XPR1: variants seen among roughly 807,000 people sequenced by gnomAD.
XPR1 encodes the protein xenotropic and polytropic retrovirus receptor 1.
A neutral mutation model predicts 87.5 loss-of-function variants in XPR1; 28 were observed. The observed-to-expected ratio is 0.32, with a 90% CI of 0.24 to 0.44. The LOEUF (loss-of-function observed/expected upper bound fraction) is 0.44, where lower values mean the gene tolerates loss of function less well. XPR1 is among the 20% of genes least tolerant of loss of function. XPR1 has a pLI of 1.00. For synonymous variants in XPR1, 300 were observed against 306.1 expected (o/e 0.98, Z 0.21); for missense variants, 559 against 862.3 (o/e 0.65, Z 4.41).
chr1:180,883,061 G>A (rs1426248624), intron 14 of XPR1, among the ~76,000 whole-genome samples: 1 of 148,328 alleles, frequency 6.7e-6, no homozygotes, highest in Non-Finnish European at 1.5e-5. Flanking sequence ...CTCCTGGGCT[G>A]AAATGATCCT....
intron 1 of XPR1, among the ~76,000 whole-genome samples, chr1:180,663,976 G>A (rs568959380): frequency 3.5e-4 from 53 of 152,202 alleles, no homozygotes; most frequent in Admixed American, 2.6e-4. Context: ...TGGCCCAAGC[G>A]CTCTTCATTT....
At chr1:180,643,950 C>T (rs1655033317) in intron 1 of XPR1, among the ~76,000 whole-genome samples, 1 of 152,052 alleles carries the variant, frequency 6.6e-6, no homozygotes, top group Non-Finnish European at 1.5e-5. Flanking sequence ...CTGATGAATT[C>T]GGTGTGGCCC....
intron 2 of XPR1, among the ~76,000 whole-genome samples, chr1:180,713,178 T>C (rs974279261): frequency 6.6e-5 from 10 of 152,126 alleles, no homozygotes; most frequent in Non-Finnish European, 1.2e-4. Flanking sequence ...CAGCAGTGTT[T>C]TGTAGTATAT....
chr1:180,858,053 C>G (rs1311405850), intron 11 of XPR1, among the ~76,000 whole-genome samples: 1 of 151,974 alleles, frequency 6.6e-6, no homozygotes, highest in Admixed American at 6.6e-5. Flanking sequence ...CCTGTCTCTA[C>G]TAAAAATACA....
chr1:180,731,518 A>G (rs941894152), intron 2 of XPR1, among the ~76,000 whole-genome samples: 1 of 152,182 alleles, frequency 6.6e-6, no homozygotes, highest in Non-Finnish European at 1.5e-5. Flanking sequence ...GAGAGACCTG[A>G]AAGTCCTTTC....
chr1:180,645,027 G>C (rs933399552), intron 1 of XPR1, among the ~76,000 whole-genome samples: 5 of 152,152 alleles, frequency 3.3e-5, no homozygotes, highest in African/African-American at 1.2e-4. Flanking sequence ...TAGGAAGTTG[G>C]AAATGGAAGC....
chr1:180,764,506 G>A (rs551026018), intron 2 of XPR1, among the ~76,000 whole-genome samples: 1 of 151,702 alleles, frequency 6.6e-6, no homozygotes, highest in South Asian at 2.1e-4. Flanking sequence ...GTCTCACTCT[G>A]TCACCCAGGC....
intron 2 of XPR1, among the ~76,000 whole-genome samples, chr1:180,787,427 C>A (rs918379751): frequency 2.0e-5 from 3 of 151,772 alleles, no homozygotes; most frequent in African/African-American, 7.3e-5. Flanking sequence ...TTACAGGCAC[C>A]CACCACCACA....
At chr1:180,664,975 T>G (rs1400019505) in intron 1 of XPR1, among the ~76,000 whole-genome samples, 1 of 152,170 alleles carries the variant, frequency 6.6e-6, no homozygotes, top group Non-Finnish European at 1.5e-5. Context: ...GAGGTGGAGC[T>G]CAGGCAGTAA....
At chr1:180,655,135 A>G (rs1655411394) in intron 1 of XPR1, among the ~76,000 whole-genome samples, 2 of 152,110 alleles carry the variant, frequency 1.3e-5, no homozygotes. Flanking sequence ...TGAATATGGT[A>G]TCTCATTGTA....
chr1:180,670,294 T>C (rs545028803), intron 1 of XPR1, among the ~76,000 whole-genome samples: 2 of 152,308 alleles, frequency 1.3e-5, no homozygotes, highest in African/African-American at 4.8e-5. Context: ...TTATAGATTT[T>C]TTTGGCCCTT....
At chr1:180,857,741 A>C (rs1245261321) in intron 11 of XPR1, among the ~76,000 whole-genome samples, 2 of 152,096 alleles carry the variant, frequency 1.3e-5, no homozygotes, top group Admixed American at 6.6e-5. Context: ...GAATGTACCT[A>C]GTTAGGTTAC....
At chr1:180,829,786 T>A (rs1213432774) in intron 9 of XPR1, among the ~76,000 whole-genome samples, 5 of 152,170 alleles carry the variant, frequency 3.3e-5, no homozygotes, top group Admixed American at 3.3e-4. Flanking sequence ...CTTCCTTTTT[T>A]CATTTTCTCT....
At chr1:180,848,825 G>A (rs907533515) in intron 11 of XPR1, among the ~76,000 whole-genome samples, 2 of 152,042 alleles carry the variant, frequency 1.3e-5, no homozygotes, top group African/African-American at 4.8e-5. Context: ...AGCTAGAACT[G>A]AGCAGTATAT....
At chr1:180,864,236 C>T (rs908023386) in intron 12 of XPR1, among the ~76,000 whole-genome samples, 41 of 152,148 alleles carry the variant, frequency 2.7e-4, no homozygotes, top group Admixed American at 2.6e-3. Context: ...CACTCTCTCT[C>T]GTCTGCTTTG....
At position 180,843,843 on chromosome 1, in the gene XPR1, G is replaced by A. The variant is rs149683019; in HGVS notation, c.1501+7127G>A. Among the ~76,000 whole-genome samples the A allele has an allele frequency of 1.4e-3, 216 of 152,182 alleles. 4 individuals are homozygous for A. The East Asian group carries it at 0.038, about 27-fold the overall frequency. On this transcript the variant is annotated intron_variant, in intron 11 of 14. Transcript: ENST00000367590. ...AAATTATGTTGCATTTGTAACACTC[G>A]TGTACAAAAGTTTAAAGTTTAAAAA...
intron 11 of XPR1, among the ~76,000 whole-genome samples, chr1:180,842,077 G>A (rs1045709579): frequency 3.3e-5 from 5 of 152,108 alleles, no homozygotes; most frequent in African/African-American, 1.2e-4. Context: ...TAATCATTAA[G>A]CCAAAAGAAA....
At chr1:180,820,620 T>G (rs1650592986) in intron 7 of XPR1, among the ~76,000 whole-genome samples, 1 of 152,230 alleles carries the variant, frequency 6.6e-6, no homozygotes, top group African/African-American at 2.4e-5. Context: ...CCTGTTTAAT[T>G]TTCTGAGGAG....
intron 1 of XPR1, among the ~76,000 whole-genome samples, chr1:180,651,034 A>G (rs10914060): frequency 0.014 from 2,159 of 152,202 alleles, 39 homozygotes; most frequent in African/African-American, 0.049. Flanking sequence ...TTTTTTGCAT[A>G]ACAGGACCCC....
Sources: allele counts gnomAD v4.1 joint callset (sites outside exome capture counted in the v4.1 genomes callset), GRCh38; gene constraint gnomAD v4.1.1; transcripts MANE v1.5; gene names NCBI Gene and HGNC (gene_info 2026-07-23, HGNC 2026-07-21).